Variants in ACAP2 observed in about 807,000 individuals in gnomAD.
ACAP2 encodes the protein ArfGAP with coiled-coil, ankyrin repeat and PH domains 2.
Under a neutral mutation model 115.8 loss-of-function variants are expected in ACAP2, and 39 were observed. The observed-to-expected ratio is 0.34, with a 90% CI of 0.26 to 0.44. ACAP2 has a LOEUF of 0.44. Ranked by LOEUF, ACAP2 falls within the 20% of genes least tolerant of loss-of-function variation. The pLI, the probability that ACAP2 is intolerant of heterozygous loss-of-function variation, is 1.00. For synonymous variants in ACAP2, 289 were observed against 315.8 expected, an observed-to-expected ratio of 0.92 and a Z score of 0.90; for missense variants, 662 against 927.6, an observed-to-expected ratio of 0.71 and a Z score of 3.72.
intron 10 of ACAP2, among the ~76,000 whole-genome samples, chr3:195,309,133 CT>C (rs1467611167): frequency 6.6e-6 from 1 of 152,186 alleles, no homozygotes; most frequent in Non-Finnish European, 1.5e-5. Context: ...CAAATAATAA[CT>C]GTTTTAAAGT....
chr3:195,279,788 T>C (rs1275094220), intron 22 of ACAP2: 1 of 156,998 alleles, frequency 6.4e-6, no homozygotes, highest in Admixed American at 6.5e-5. Flanking sequence ...AAATAAATAT[T>C]TCCCTTGATA....
chr3:195,359,762 T>C (rs10439949), intron 4 of ACAP2, among the ~76,000 whole-genome samples: 42,408 of 152,206 alleles, frequency 0.28, 6,745 homozygotes, highest in East Asian at 0.71. Context: ...CCATCGCGCC[T>C]GGCCTAAAGT....
intron 1 of ACAP2, among the ~76,000 whole-genome samples, chr3:195,437,026 G>A (rs1184981295): frequency 1.3e-5 from 2 of 152,032 alleles, no homozygotes; most frequent in African/African-American, 2.4e-5. Context: ...CATAAACAAC[G>A]CAAATTTAAC....
intron 13 of ACAP2, among the ~76,000 whole-genome samples, chr3:195,306,305 T>C (rs567278939): frequency 4.1e-4 from 63 of 151,976 alleles, no homozygotes; most frequent in Admixed American, 3.0e-3. Context: ...ATATTAAACA[T>C]AGATTCACAA....
chr3:195,381,586 T>C (rs1473725561), intron 3 of ACAP2, among the ~76,000 whole-genome samples: 1 of 152,150 alleles, frequency 6.6e-6, no homozygotes, highest in East Asian at 1.9e-4. Context: ...CAGCTACTAG[T>C]AGGCATGATC....
chr3:195,441,598 A>G lies in ACAP2; in HGVS notation c.53+1197T>C, dbSNP rs183378334. Among the ~76,000 whole-genome samples, 12 of 152,360 alleles carry G rather than the reference A, an allele frequency of 7.9e-5. No individual in the cohort carries two copies. In the East Asian group the frequency reaches 2.3e-3, roughly 29 times the overall value. ...AATCCAATTAACAGTGTTAAGGATGAGAACAGTTAGTTCCCAGGCAGAGGA... is the reference window on the plus strand; with the variant it reads ...AATCCAATTAACAGTGTTAAGGATGGGAACAGTTAGTTCCCAGGCAGAGGA... On this transcript the variant is annotated intron_variant, in intron 1 of 22. Coordinates refer to ENST00000326793, the MANE Select transcript of ACAP2 (RefSeq NM_012287.6).
At chr3:195,341,290 G>GT (rs753463024) in intron 6 of ACAP2, among the ~76,000 whole-genome samples, 22 of 143,342 alleles carry the variant, frequency 1.5e-4, no homozygotes, top group Non-Finnish European at 6.1e-5. Context: ...CTAGTTTTTG[G>GT]GTTTTTTCGT....
At chr3:195,379,275 G>A (rs755880072) in intron 4 of ACAP2, among the ~76,000 whole-genome samples, 1 of 151,986 alleles carries the variant, frequency 6.6e-6, no homozygotes, top group Non-Finnish European at 1.5e-5. Context: ...AACACCAAAA[G>A]CACAAACAAC....
chr3:195,298,303 G>A (rs963908987), intron 15 of ACAP2, among the ~76,000 whole-genome samples: 14 of 137,854 alleles, frequency 1.0e-4, no homozygotes, highest in African/African-American at 2.0e-4. Context: ...TCACCTAGGC[G>A]GTAGTGCAGT....
At position 195,320,758 on chromosome 3, in the gene ACAP2, AT is replaced by A; in HGVS notation, c.799del (p.Ile267Ter). ...LEYNVDAANG[I>X]VMEGYLFKRA... ...TTTGAACAGATATCCTTCCATAACT[AT>A]GCCATTTGCAGCATCTACGTTATAT... On this transcript the variant is annotated frameshift_variant, in exon 10 of 23. Transcript: ENST00000326793. LOFTEE classifies it high-confidence loss of function. 1 of 1,613,724 alleles carries A rather than the reference AT, an allele frequency of 6.2e-7. No individual in the cohort carries two copies. Among genetic ancestry groups the A allele is most frequent in the Non-Finnish European group, 8.5e-7 (1 of 1,179,734 alleles).
chr3:195,320,846 G>T, intron 9 of ACAP2, 33 bp from the exon 10 acceptor site: 3 of 1,466,758 alleles, frequency 2.0e-6, no homozygotes, highest in South Asian at 1.2e-5. Context: ...AAGTTCATAT[G>T]ACTTGACTAA....
intron 1 of ACAP2, chr3:195,410,565 A>T (rs2108809638): frequency 6.6e-6 from 1 of 152,358 alleles, no homozygotes; most frequent in South Asian, 2.1e-4. Flanking sequence ...ACAAAGACAC[A>T]AACAACATGA....
intron 20 of ACAP2, among the ~76,000 whole-genome samples, chr3:195,290,710 G>A (rs911109995): frequency 6.6e-6 from 1 of 151,976 alleles, no homozygotes; most frequent in African/African-American, 2.4e-5. Context: ...CTACTCAGGG[G>A]GCTAAGGCAG....
At chr3:195,422,321 C>G (rs1157127179) in intron 1 of ACAP2, among the ~76,000 whole-genome samples, 1 of 151,552 alleles carries the variant, frequency 6.6e-6, no homozygotes, top group Non-Finnish European at 1.5e-5. Context: ...ATCATTATCA[C>G]ACATAATAAT....
intron 12 of ACAP2, 125 bp downstream of exon 12, chr3:195,307,098 T>G: frequency 1.5e-6 from 1 of 646,028 alleles, no homozygotes; most frequent in East Asian, 2.8e-5. Flanking sequence ...TGAAAATTAT[T>G]TTTAAAACTT....
intron 2 of ACAP2, among the ~76,000 whole-genome samples, chr3:195,389,546 G>C (rs1316951906): frequency 6.6e-6 from 1 of 152,082 alleles, no homozygotes; most frequent in Non-Finnish European, 1.5e-5. Context: ...GATTCTAGAA[G>C]GACTTGCCCC....
intron 2 of ACAP2, among the ~76,000 whole-genome samples, chr3:195,384,613 G>C (rs904654896): frequency 7.9e-5 from 12 of 152,114 alleles, no homozygotes; most frequent in African/African-American, 2.7e-4. Context: ...TGTAGTCCCA[G>C]CTAGTCAGGA....
At chr3:195,343,611 T>G (rs1560266320) in intron 5 of ACAP2, among the ~76,000 whole-genome samples, 1 of 152,208 alleles carries the variant, frequency 6.6e-6, no homozygotes, top group African/African-American at 2.4e-5. Context: ...TTTTTATTTC[T>G]GTGGTCTCAC....
intron 1 of ACAP2, among the ~76,000 whole-genome samples, chr3:195,420,290 C>T (rs913020609): frequency 6.6e-6 from 1 of 152,028 alleles, no homozygotes; most frequent in Non-Finnish European, 1.5e-5. Context: ...TGTATACACA[C>T]GCTTGGAGGA....
Sources: gnomAD v4.1 joint callset for allele counts (sites outside exome capture counted in the v4.1 genomes callset) on GRCh38, gnomAD v4.1.1 for gene constraint, MANE v1.5 for transcripts, NCBI Gene and HGNC (gene_info 2026-07-23, HGNC 2026-07-21) for gene names.